DENND1B: variants seen among roughly 807,000 people sequenced by gnomAD.
The protein encoded by DENND1B is DENN domain containing 1B.
Under a neutral mutation model 90.1 loss-of-function variants are expected in DENND1B, and 59 were observed. That is an observed-to-expected ratio of 0.65 (90% CI 0.53 to 0.81). The LOEUF is 0.81. DENND1B is among the 40% of genes least tolerant of loss of function. DENND1B has a pLI of 0.00. For missense variants in DENND1B, 862 were observed against 912.6 expected (o/e 0.94, Z 0.71); for synonymous variants, 337 against 324.6 (o/e 1.04, Z -0.41).
intron 2 of DENND1B, among the ~76,000 whole-genome samples, chr1:197,736,329 TCTAC>T (rs1662685919): frequency 6.6e-6 from 1 of 152,056 alleles, no homozygotes; most frequent in African/African-American, 2.4e-5. Flanking sequence ...CCCAATTCTT[TCTAC>T]CTGTCTGTCT....
At chr1:197,738,988 C>G (rs1662968453) in intron 2 of DENND1B, among the ~76,000 whole-genome samples, 1 of 152,172 alleles carries the variant, frequency 6.6e-6, no homozygotes, top group Non-Finnish European at 1.5e-5. Flanking sequence ...AGAGACGAAG[C>G]TGCACAGGAA....
At chr1:197,629,080 G>A (rs1221853290) in intron 10 of DENND1B, among the ~76,000 whole-genome samples, 3 of 152,162 alleles carry the variant, frequency 2.0e-5, no homozygotes, top group African/African-American at 7.2e-5. Flanking sequence ...CTGTTGGTGG[G>A]ACTGTAAACT....
At chr1:197,674,496 G>C (rs1401414242) in intron 3 of DENND1B, among the ~76,000 whole-genome samples, 1 of 152,106 alleles carries the variant, frequency 6.6e-6, no homozygotes, top group Non-Finnish European at 1.5e-5. Context: ...GGTAAGCTAC[G>C]TCTGCTGCTA....
intron 11 of DENND1B, 151 bp from the exon 12 acceptor site, chr1:197,612,127 A>AAAGCTC: frequency 2.0e-6 from 1 of 503,770 alleles, no homozygotes; most frequent in Admixed American, 4.0e-5. Context: ...TTCAATATAT[A>AAAGCTC]AAGCTCAAAT....
At chr1:197,562,447 T>C (rs902895760) in intron 15 of DENND1B, among the ~76,000 whole-genome samples, 1 of 151,942 alleles carries the variant, frequency 6.6e-6, no homozygotes, top group African/African-American at 2.4e-5. Flanking sequence ...AACTTTTTCA[T>C]TATAATCATA....
At chr1:197,592,193 G>A (rs368749806) in intron 14 of DENND1B, among the ~76,000 whole-genome samples, 4 of 150,284 alleles carry the variant, frequency 2.7e-5, no homozygotes, top group South Asian at 2.1e-4. Flanking sequence ...GAGAGGGACC[G>A]TGAAAAAAAC....
intron 16 of DENND1B, among the ~76,000 whole-genome samples, chr1:197,549,191 A>G (rs536326424): frequency 6.6e-6 from 1 of 152,118 alleles, no homozygotes; most frequent in Non-Finnish European, 1.5e-5. Context: ...TAAGGACAAA[A>G]TATCTATTTC....
At chr1:197,746,960 A>G in intron 2 of DENND1B, 1 of 1,183,108 alleles carries the variant, frequency 8.5e-7, no homozygotes. Context: ...TCAATATTCC[A>G]CCCCTCCACA....
chr1:197,777,769 C>T (rs755024566), upstream of DENND1B, among the ~76,000 whole-genome samples: 10 of 152,074 alleles, frequency 6.6e-5, no homozygotes, highest in Non-Finnish European at 1.3e-4. Context: ...TGTCAAAGAA[C>T]ATGGTCTTTA....
chr1:197,566,523 A>G, intron 15 of DENND1B, among the ~76,000 whole-genome samples: 1 of 152,082 alleles, frequency 6.6e-6, no homozygotes, highest in East Asian at 1.9e-4. Context: ...CAGCTCTTAG[A>G]TAAGTTTCAT....
At chr1:197,518,365 GGTT>G (rs1274004353) in intron 20 of DENND1B, among the ~76,000 whole-genome samples, 40 of 151,874 alleles carry the variant, frequency 2.6e-4, no homozygotes, top group Non-Finnish European at 7.4e-5. Flanking sequence ...GGAACAAAGA[GGTT>G]GTTGTATTTA....
chr1:197,586,853 C>T (rs985199187), intron 14 of DENND1B, among the ~76,000 whole-genome samples: 7 of 152,112 alleles, frequency 4.6e-5, no homozygotes, highest in African/African-American at 1.7e-4. Flanking sequence ...AGAGTTAATC[C>T]CACTTTGAGG....
intron 5 of DENND1B, among the ~76,000 whole-genome samples, chr1:197,665,028 T>A (rs192167689): frequency 6.6e-6 from 1 of 152,254 alleles, no homozygotes; most frequent in Admixed American, 6.5e-5. Context: ...ATACAAACAA[T>A]TGCCAGATTT....
At chr1:197,672,433 A>G (rs541057938) in intron 4 of DENND1B, among the ~76,000 whole-genome samples, 16 of 152,234 alleles carry the variant, frequency 1.1e-4, no homozygotes, top group African/African-American at 3.8e-4. Context: ...CATAAGACTA[A>G]AAGTGCTCAT....
At chr1:197,658,421 A>G (rs1558367313) in intron 5 of DENND1B, 52 bp from the exon 6 acceptor site, 1 of 1,219,188 alleles carries the variant, frequency 8.2e-7, no homozygotes, top group Non-Finnish European at 1.2e-6. Flanking sequence ...GAATCAGAAA[A>G]CAGACAATAT....
intron 2 of DENND1B, among the ~76,000 whole-genome samples, chr1:197,772,073 G>C (rs948450844): frequency 6.6e-6 from 1 of 152,140 alleles, no homozygotes; most frequent in African/African-American, 2.4e-5. Context: ...CCCTGCAAAA[G>C]TGCTGTGCTA....
chr1:197,685,047 G>A (rs1487333482), intron 3 of DENND1B, among the ~76,000 whole-genome samples: 1 of 152,052 alleles, frequency 6.6e-6, no homozygotes, highest in African/African-American at 2.4e-5. Flanking sequence ...GAACCCAGGG[G>A]GCAGAGGTTG....
At chr1:197,658,416 A>G in intron 5 of DENND1B, 47 bp from the exon 6 acceptor site, 1 of 1,265,032 alleles carries the variant, frequency 7.9e-7, no homozygotes, top group Non-Finnish European at 1.1e-6. Flanking sequence ...ATTCAGAATC[A>G]GAAAACAGAC....
rs1025910949 is a variant in DENND1B, at chr1:197,687,007, T to A, written c.127-12838A>T. Among the ~76,000 whole-genome samples the A allele has an allele frequency of 3.9e-5, 6 of 152,200 alleles. No homozygotes were observed. In the South Asian group the frequency reaches 1.2e-3, roughly 32 times the overall value. ...ATTCTGTGAAATAAAAGAGCTGTAT[T>A]GAGGATTAGATAATTGATATGATAC... On this transcript the variant is annotated intron_variant, in intron 3 of 22. Coordinates refer to ENST00000620048, the MANE Select transcript of DENND1B (RefSeq NM_001195215.2).
Sources: gnomAD v4.1 joint callset for allele counts (sites outside exome capture counted in the v4.1 genomes callset) on GRCh38, gnomAD v4.1.1 for gene constraint, MANE v1.5 for transcripts, NCBI Gene and HGNC (gene_info 2026-07-23, HGNC 2026-07-21) for gene names.